ORC3: variants seen among roughly 807,000 people sequenced by gnomAD.
ORC3 encodes homolog of latheo, Drosophila.
ORC3 carries 78 observed loss-of-function variants against 100.7 expected under a neutral mutation model. The ratio of observed to expected loss-of-function variants is 0.77; its 90% CI spans 0.65 to 0.94. The LOEUF (loss-of-function observed/expected upper bound fraction) is 0.94, where lower values mean the gene tolerates loss of function less well. Among genes scored for constraint, ORC3 ranks in the 40% least tolerant of loss-of-function variants. ORC3 has a pLI of 0.00. For missense variants in ORC3, 789 were observed against 823.9 expected (o/e 0.96, Z 0.52); for synonymous variants, 295 against 289.3 (o/e 1.02, Z -0.20).
At chr6:87,672,262 G>A (rs1770850595), downstream of ORC3, among the ~76,000 whole-genome samples, 1 of 152,150 alleles carries the variant, frequency 6.6e-6, no homozygotes. Flanking sequence ...AGAAAACTGA[G>A]TTTTGCTTTT....
chr6:87,612,426 A>C (rs1778843531), intron 8 of ORC3, among the ~76,000 whole-genome samples, 178 bp downstream of exon 8: 1 of 152,174 alleles, frequency 6.6e-6, no homozygotes, highest in African/African-American at 2.4e-5. Flanking sequence ...ATAGTTTTAC[A>C]GTGATTTTGT....
intron 7 of ORC3, among the ~76,000 whole-genome samples, chr6:87,610,703 G>A (rs1361179882): frequency 6.2e-5 from 9 of 146,244 alleles, no homozygotes; most frequent in African/African-American, 2.3e-4. Flanking sequence ...ACAGGCGCCC[G>A]CCACCGCGCC....
chr6:87,644,114 A>C (rs1768534552), intron 13 of ORC3, among the ~76,000 whole-genome samples: 1 of 53,772 alleles, frequency 1.9e-5, no homozygotes, highest in Non-Finnish European at 3.0e-5. Context: ...TTTTTTTGAG[A>C]CGGAGTCTCG....
intron 2 of ORC3, chr6:87,594,726 G>A (rs557872169): frequency 1.3e-3 from 322 of 246,866 alleles, no homozygotes; most frequent in African/African-American, 7.0e-3. Context: ...AGAAATGAAA[G>A]TGAGTTTCTG....
chr6:87,623,889 A>AAAAAC lies in ORC3; in HGVS notation c.1185+1896_1185+1900dup, dbSNP rs1299794567. ...ACAGAGCAAGACTCTGTCTTTAAAA[A>AAAAAC]AAAACAAAACAAAACAAAACAAAAA... On this transcript the variant is annotated intron_variant, in intron 11 of 19. Coordinates refer to ENST00000392844, the MANE Select transcript of ORC3 (RefSeq NM_012381.4). 7.2e-5 allele frequency among the ~76,000 whole-genome samples: 11 copies of AAAAAC among 152,276 alleles called. No individual in the cohort carries two copies. In the East Asian group the frequency reaches 7.7e-4, roughly 11 times the overall value.
chr6:87,607,291 A>G (rs944339496), intron 5 of ORC3, among the ~76,000 whole-genome samples: 2 of 152,004 alleles, frequency 1.3e-5, no homozygotes, highest in Non-Finnish European at 1.5e-5. Context: ...TTAGCTGGGT[A>G]TGGTGGCACG....
chr6:87,616,061 A>G (rs1288220902), intron 8 of ORC3, among the ~76,000 whole-genome samples: 1 of 151,470 alleles, frequency 6.6e-6, no homozygotes, highest in Non-Finnish European at 1.5e-5. Flanking sequence ...TTTTTTTTTA[A>G]TTAGGAATTT....
chr6:87,602,333 T>C (rs1485834769), intron 3 of ORC3, among the ~76,000 whole-genome samples: 1 of 152,222 alleles, frequency 6.6e-6, no homozygotes, highest in Non-Finnish European at 1.5e-5. Context: ...TCTTAAATTA[T>C]CCTTTCAGGT....
chr6:87,603,574 G>A lies in ORC3; in HGVS notation c.322+46G>A, dbSNP rs183760520. 3.9e-5 allele frequency: 51 copies of A among 1,318,986 alleles called. No homozygotes were observed. In the South Asian group the frequency reaches 6.0e-4, roughly 16 times the overall value. The allele number at this position is 1,318,986 out of a possible 1,614,324, so 81.7% of individuals were successfully genotyped here. A position where few individuals can be genotyped will look rare whatever the true frequency, so the allele number is the denominator to read the frequency against. On this transcript the variant is annotated intron_variant, in intron 4 of 19. Coordinates refer to ENST00000392844, the MANE Select transcript of ORC3 (RefSeq NM_012381.4). ...TCATGCATGCATCTCTGTGTATTTC[G>A]TTTTTAAATTTTTTTTTATTGTTGA... is the stretch of plus-strand genomic sequence containing the variant.
At chr6:87,655,437 TACCTC>T (rs999786131) in intron 14 of ORC3, among the ~76,000 whole-genome samples, 33 of 151,240 alleles carry the variant, frequency 2.2e-4, no homozygotes, top group African/African-American at 7.8e-4. Flanking sequence ...CTGCAGCCTA[TACCTC>T]CCAGGCTCAA....
chr6:87,628,368 T>C (rs916154052), intron 11 of ORC3, among the ~76,000 whole-genome samples: 3 of 152,318 alleles, frequency 2.0e-5, no homozygotes, highest in African/African-American at 7.2e-5. Flanking sequence ...CTAAACAATG[T>C]ACATTTGTAG....
chr6:87,669,438 T>A (rs1291047562), downstream of ORC3, among the ~76,000 whole-genome samples: 1 of 152,238 alleles, frequency 6.6e-6, no homozygotes, highest in Non-Finnish European at 1.5e-5. Context: ...TCAGCTTGAA[T>A]GTTTGTTAAG....
chr6:87,593,942 G>A (rs941859836), intron 1 of ORC3, among the ~76,000 whole-genome samples: 23 of 152,228 alleles, frequency 1.5e-4, no homozygotes, highest in African/African-American at 4.1e-4. Flanking sequence ...TGATCCACCC[G>A]CCTTGGCCTC....
chr6:87,597,680 T>TACACACAC (rs55758892), intron 2 of ORC3, among the ~76,000 whole-genome samples: 13 of 138,526 alleles, frequency 9.4e-5, no homozygotes, highest in South Asian at 8.9e-4. Flanking sequence ...TATATATATA[T>TACACACAC]ACACACACAC....
At chr6:87,644,954 A>G (rs1198559673) in intron 13 of ORC3, among the ~76,000 whole-genome samples, 1 of 152,206 alleles carries the variant, frequency 6.6e-6, no homozygotes, top group East Asian at 1.9e-4. Context: ...TATTCCACAA[A>G]AAAGCATGGC....
chr6:87,590,436 T>A (rs1417710836), intron 1 of ORC3, among the ~76,000 whole-genome samples: 1 of 152,178 alleles, frequency 6.6e-6, no homozygotes, highest in Non-Finnish European at 1.5e-5. Context: ...GGAGGTCGGA[T>A]GTCCTGATGA....
intron 3 of ORC3, 66 bp downstream of exon 3, chr6:87,601,947 C>A: frequency 1.1e-6 from 1 of 892,832 alleles, no homozygotes; most frequent in Non-Finnish European, 1.9e-6. Context: ...TCTCATCTTC[C>A]TTTCCACCAG....
At chr6:87,609,327 G>A (rs1331558158) in intron 7 of ORC3, 98 bp downstream of exon 7, 1 of 763,426 alleles carries the variant, frequency 1.3e-6, no homozygotes, top group African/African-American at 1.8e-5. Context: ...ATACCAACTG[G>A]ATAAAAATCA....
At chr6:87,609,496 G>A in intron 7 of ORC3, 1 of 275,744 alleles carries the variant, frequency 3.6e-6, no homozygotes, top group Non-Finnish European at 6.7e-6. Context: ...AAGATTGACT[G>A]TCTCTTACTC....
Sources: allele counts gnomAD v4.1 joint callset (sites outside exome capture counted in the v4.1 genomes callset), GRCh38; gene constraint gnomAD v4.1.1; transcripts MANE v1.5; gene names NCBI Gene and HGNC (gene_info 2026-07-23, HGNC 2026-07-21).